HMGCLL1: variants seen among roughly 807,000 people sequenced by gnomAD.
HMGCLL1 encodes 3-hydroxy-3-methylglutaryl-CoA lyase like 1, also known as 3-hydroxymethyl-3-methylglutaryl-CoA lyase, cytoplasmic.
Under a neutral mutation model 39.1 loss-of-function variants are expected in HMGCLL1, and 36 were observed. The observed-to-expected ratio is 0.92, with a 90% CI of 0.71 to 1.22. HMGCLL1 has a LOEUF of 1.22. HMGCLL1 is among the 50% of genes most tolerant of loss of function. The pLI, the probability that HMGCLL1 is intolerant of heterozygous loss-of-function variation, is 0.00. For missense variants in HMGCLL1, 451 were observed against 416.5 expected, an observed-to-expected ratio of 1.08 and a Z score of -0.72; for synonymous variants, 149 against 144.0, an observed-to-expected ratio of 1.03 and a Z score of -0.25.
chr6:55,589,538 G>C, the HMGCLL1 span, among the ~76,000 whole-genome samples: 1 of 152,182 alleles, frequency 6.6e-6, no homozygotes, highest in East Asian at 1.9e-4. Context: ...CATAGTGTTA[G>C]AAGTTCTGGC....
the HMGCLL1 span, among the ~76,000 whole-genome samples, chr6:55,585,516 G>C: frequency 2.6e-4 from 39 of 151,898 alleles, no homozygotes; most frequent in Non-Finnish European, 4.3e-4. Context: ...GATCTTAATA[G>C]GTAAACTGTA....
the HMGCLL1 span, among the ~76,000 whole-genome samples, chr6:55,590,815 A>G: frequency 1.3e-5 from 2 of 151,998 alleles, no homozygotes; most frequent in Non-Finnish European, 2.9e-5. Context: ...TAGATGTCTT[A>G]AAGTGTGTCA....
chr6:55,531,488 C>T (rs775460448), intron 3 of HMGCLL1, among the ~76,000 whole-genome samples: 5 of 152,036 alleles, frequency 3.3e-5, no homozygotes, highest in East Asian at 1.9e-4. Flanking sequence ...GTGACCAACA[C>T]GGCTTTGAAA....
At chr6:55,556,957 T>C (rs1289546138) in intron 1 of HMGCLL1, among the ~76,000 whole-genome samples, 1 of 152,140 alleles carries the variant, frequency 6.6e-6, no homozygotes, top group Non-Finnish European at 1.5e-5. Context: ...GTCCCAAATG[T>C]AATAAAAAGT....
intron 7 of HMGCLL1, among the ~76,000 whole-genome samples, chr6:55,473,679 A>G (rs1765149613): frequency 6.6e-6 from 1 of 151,476 alleles, no homozygotes; most frequent in Non-Finnish European, 1.5e-5. Context: ...ATTTTCATAT[A>G]TTGCATCTCT....
At chr6:55,670,253 A>T in the HMGCLL1 span, among the ~76,000 whole-genome samples, 1 of 151,820 alleles carries the variant, frequency 6.6e-6, no homozygotes, top group Non-Finnish European at 1.5e-5. Context: ...CTCCAAAAAA[A>T]ATATCCTTCC....
the HMGCLL1 span, among the ~76,000 whole-genome samples, chr6:55,630,219 G>A: frequency 3.9e-5 from 6 of 152,278 alleles, no homozygotes; most frequent in East Asian, 5.8e-4. Flanking sequence ...AGTGTGACCT[G>A]GATATGAGAC....
chr6:55,520,087 G>A (rs7762887), intron 3 of HMGCLL1, among the ~76,000 whole-genome samples: 90,102 of 130,016 alleles, frequency 0.69, 31,171 homozygotes, highest in Admixed American at 0.73. Context: ...ATCACACATC[G>A]GGGCCTGTCA....
the HMGCLL1 span, among the ~76,000 whole-genome samples, chr6:55,647,561 G>GT: frequency 1.5e-3 from 232 of 150,640 alleles, 2 homozygotes; most frequent in South Asian, 0.013. Context: ...TCAATTGTAT[G>GT]TTTTTTTTAT....
At chr6:55,620,772 T>G in the HMGCLL1 span, among the ~76,000 whole-genome samples, 2 of 152,116 alleles carry the variant, frequency 1.3e-5, no homozygotes, top group African/African-American at 4.8e-5. Context: ...CCATTTTGAT[T>G]TGATTTTTGT....
At chr6:55,452,488 A>T (rs1764141578) in intron 7 of HMGCLL1, among the ~76,000 whole-genome samples, 1 of 152,330 alleles carries the variant, frequency 6.6e-6, no homozygotes, top group African/African-American at 2.4e-5. Context: ...AATTTCTGAC[A>T]GATTTTCAGT....
intron 7 of HMGCLL1, among the ~76,000 whole-genome samples, chr6:55,488,651 CTTCTAGAAGAGGG>C (rs1766166422): frequency 1.3e-5 from 2 of 152,012 alleles, no homozygotes; most frequent in African/African-American, 2.4e-5. Context: ...AAAACTGTCA[CTTCTAGAAGAGGG>C]TTCCAACTGT....
At chr6:55,594,408 G>C in the HMGCLL1 span, among the ~76,000 whole-genome samples, 5 of 152,236 alleles carry the variant, frequency 3.3e-5, 1 homozygote, top group African/African-American at 1.2e-4. Context: ...ATTTTGCTTA[G>C]TAATTGCATT....
At chr6:55,650,090 CATATATATATATATATATATAT>C in the HMGCLL1 span, among the ~76,000 whole-genome samples, 13 of 52,286 alleles carry the variant, frequency 2.5e-4, 2 homozygotes, top group South Asian at 2.4e-3. Context: ...CACACATATA[CATATATATATATATATATATAT>C]ATATATATAT....
At chr6:55,654,233 AG>A in the HMGCLL1 span, among the ~76,000 whole-genome samples, 1 of 151,804 alleles carries the variant, frequency 6.6e-6, no homozygotes, top group African/African-American at 2.4e-5. Context: ...GGGAAAGAGG[AG>A]GACACTGAAC....
chr6:55,650,379 T>C, the HMGCLL1 span, among the ~76,000 whole-genome samples: 1 of 151,456 alleles, frequency 6.6e-6, no homozygotes, highest in Non-Finnish European at 1.5e-5. Flanking sequence ...AACACTGTGG[T>C]TGGTTGTCTT....
At chr6:55,527,943 C>T (rs1442178749) in intron 3 of HMGCLL1, among the ~76,000 whole-genome samples, 1 of 152,014 alleles carries the variant, frequency 6.6e-6, no homozygotes, top group East Asian at 1.9e-4. Flanking sequence ...GAGTACATCT[C>T]ATGTTCATAA....
At chr6:55,580,455 G>A (rs1479759604), upstream of HMGCLL1, among the ~76,000 whole-genome samples, 22 of 110,996 alleles carry the variant, frequency 2.0e-4, no homozygotes, top group Non-Finnish European at 3.3e-4. Flanking sequence ...TCGCTCTGTC[G>A]CCCAGGCTGG....
the HMGCLL1 span, among the ~76,000 whole-genome samples, chr6:55,628,960 G>A: frequency 6.6e-6 from 1 of 152,088 alleles, no homozygotes. Context: ...TTCAGTCTCA[G>A]GTATGTATTT....
Sources: allele counts gnomAD v4.1 joint callset (sites outside exome capture counted in the v4.1 genomes callset), GRCh38; gene constraint gnomAD v4.1.1; transcripts MANE v1.5; gene names NCBI Gene and HGNC (gene_info 2026-07-23, HGNC 2026-07-21).